Variants in SMG5 observed in about 807,000 individuals in gnomAD.
SMG5 encodes SMG5 nonsense mediated mRNA decay factor.
In SMG5, 53 loss-of-function variants were observed where a neutral mutation model predicts 122.9. That is an observed-to-expected ratio of 0.43 (90% CI 0.35 to 0.54). The LOEUF is 0.54. Among genes scored for constraint, SMG5 ranks in the 20% least tolerant of loss-of-function variants. The pLI is 0.01. For synonymous variants in SMG5, 477 were observed against 490.2 expected (o/e 0.97, Z 0.35); for missense variants, 1,153 against 1,285.6 (o/e 0.90, Z 1.58).
At chr1:156,282,091 T>G (rs1306104647) in intron 1 of SMG5, among the ~76,000 whole-genome samples, 1 of 152,168 alleles carries the variant, frequency 6.6e-6, no homozygotes. Context: ...TAGAGCCGTA[T>G]GGGACTTTAG....
Position 156,277,145 on chromosome 1 carries a change from G to A in SMG5, c.394C>T (p.His132Tyr), listed in dbSNP as rs780989985. Residue 132 changes from histidine to tyrosine, a missense_variant, in exon 4 of 22, where the codon CAC becomes TAC. By Grantham distance (83) the His-to-Tyr change is moderately conservative. Coordinates refer to ENST00000361813, the MANE Select transcript of SMG5 (RefSeq NM_015327.3). ...CAGCACTGCAGTTCCAGCTGGTAGT[G>A]GGACTGGATATAGAGAAGGAGATGC... ...YQHLLLYIQS[H>Y]YQLELQCCID... 1.2e-6 allele frequency: 2 copies of A among 1,613,906 alleles called. No homozygotes were observed. Among genetic ancestry groups the A allele is most frequent in the Non-Finnish European group, 1.7e-6 (2 of 1,179,972 alleles).
chr1:156,285,418 TG>T, upstream of SMG5: 3 of 1,608,526 alleles, frequency 1.9e-6, no homozygotes, highest in Non-Finnish European at 2.5e-6. Context: ...GGGCTGAGGA[TG>T]GTCTAGACAG....
intron 13 of SMG5, among the ~76,000 whole-genome samples, chr1:156,261,918 C>T (rs2103220450): frequency 6.9e-6 from 1 of 144,570 alleles, no homozygotes; most frequent in South Asian, 2.2e-4. Context: ...AAAAAATAGC[C>T]AGGCGTGGTG....
At position 156,260,612 on chromosome 1, in the gene SMG5, G is replaced by T; in HGVS notation, c.2122C>A (p.Pro708Thr). The T allele has an allele frequency of 6.6e-7, 1 of 1,511,978 alleles. No homozygotes were observed. Among genetic ancestry groups the T allele is most frequent in the South Asian group, 1.3e-5 (1 of 74,114 alleles). 93.7% of individuals were successfully genotyped at this position (1,511,978 alleles called of 1,614,324 possible). A position where few individuals can be genotyped will look rare whatever the true frequency, so the allele number is the denominator to read the frequency against. The change falls in exon 15 of 22, where the codon CCT (proline) becomes ACT (threonine). Residue 708 changes from proline (P) to threonine (T), a missense_variant. Transcript: ENST00000361813. ...CCTTCAAGAAGATCTTGGACCTCAG[G>T]ACACAAGGCCAGGCCTGGGCAGAAG... The part of the protein sequence containing the change: ...ELQESGLALC[P>T]EVQDLLEGCE...
rs568640456 is a variant in SMG5 at position 156,277,429 on chromosome 1, C to A, written c.298-188G>T. Among the ~76,000 whole-genome samples, 6 of 152,068 alleles carry A rather than the reference C, an allele frequency of 3.9e-5. No homozygotes were observed. The East Asian group carries it at 1.2e-3, about 29-fold the overall frequency. On this transcript the variant is annotated intron_variant, in intron 3 of 21. Coordinates refer to ENST00000361813, the MANE Select transcript of SMG5 (RefSeq NM_015327.3). ...TCTGGGACCAGGCTCCCCTCCTTCT[C>A]TAATCCTAATTACATCTGACTCTCT...
chr1:156,286,188 C>T, upstream of SMG5: 3 of 1,496,112 alleles, frequency 2.0e-6, 1 homozygote, highest in South Asian at 2.4e-5. Context: ...AGTGAATCTG[C>T]CCCCAGCTTA....
chr1:156,275,454 T>C (rs9943105), intron 4 of SMG5, among the ~76,000 whole-genome samples: 69,206 of 151,744 alleles, frequency 0.46, 16,573 homozygotes, highest in Admixed American at 0.59. Flanking sequence ...TTAACTTAAT[T>C]CTCACAGCAA....
chr1:156,272,387 T>C lies in SMG5; in HGVS notation c.646A>G (p.Asn216Asp). ...CTGCCTGCCAGGGTGCCCAGCTGAT[T>C]GAAGGGCATTCCTAGGGAGAAAGAG... ...SVAPQIGMPF[N>D]QLGTLAGSKY... is the part of the protein sequence containing the mutation. Residue 216 changes from asparagine to aspartate, a missense_variant, in exon 7 of 22, where the codon AAT (asparagine) becomes GAT (aspartate). Coordinates refer to ENST00000361813, the MANE Select transcript of SMG5 (RefSeq NM_015327.3). 1 of 1,602,016 alleles carries C rather than the reference T, an allele frequency of 6.2e-7. No individual in the cohort carries two copies. Among genetic ancestry groups the C allele is most frequent in the Non-Finnish European group, 8.5e-7 (1 of 1,172,874 alleles).
chr1:156,276,018 G>T (rs927220961), intron 4 of SMG5, among the ~76,000 whole-genome samples: 2 of 151,422 alleles, frequency 1.3e-5, no homozygotes, highest in Non-Finnish European at 2.9e-5. Context: ...ATCTCACTAT[G>T]TTGCCCAGGC....
chr1:156,278,009 T>C lies in SMG5; in HGVS notation c.213A>G (p.Pro71=), dbSNP rs551597977. 1 of 1,614,116 alleles carries C rather than the reference T, an allele frequency of 6.2e-7. No individual in the cohort carries two copies. The highest frequency in any genetic ancestry group is 1.1e-5 in the South Asian group (1 of 91,076). The change falls in exon 3 of 22, where the codon CCA becomes CCG. Residue 71 remains proline (P), a synonymous_variant. Transcript: ENST00000361813. ...ELCVKLMFLH[P]VDYGRKAEEL... ...CCTCAGCCTTTCTCCCATAGTCCAC[T>C]GGGTGCAGGAACATAAGCTTGACGC...
At chr1:156,263,926 T>TA (rs1296323252) in intron 12 of SMG5, among the ~76,000 whole-genome samples, 1 of 152,130 alleles carries the variant, frequency 6.6e-6, no homozygotes, top group Non-Finnish European at 1.5e-5. Flanking sequence ...GGCAGACAGT[T>TA]AGAGGGGAGC....
the SMG5 span, among the ~76,000 whole-genome samples, chr1:156,289,469 G>A: frequency 5.3e-5 from 8 of 152,136 alleles, no homozygotes; most frequent in Non-Finnish European, 7.4e-5. Flanking sequence ...AAAATTAGCC[G>A]GGCATGGTGG....
upstream of SMG5, among the ~76,000 whole-genome samples, chr1:156,285,023 CCTCT>C (rs932593416): frequency 6.6e-6 from 1 of 152,144 alleles, no homozygotes; most frequent in Non-Finnish European, 1.5e-5. Flanking sequence ...TTCCCTCCTC[CCTCT>C]GTTTCAGTGT....
In SMG5 at chr1:156,265,955, C is replaced by T; in HGVS notation, c.1681G>A (p.Ala561Thr). Reference protein sequence around the residue: ...SLNGPLGPSEASIASNLQAMS... With the variant: ...SLNGPLGPSETSIASNLQAMS... ...GCTTGTAGATTGCTGGCAATGCTAG[C>T]CTCACTGGGGCCCAGTGGGCCATTG... Residue 561 changes from alanine (A) to threonine (T), a missense_variant, in exon 12 of 22, where the codon GCT (alanine) becomes ACT (threonine). By Grantham distance (58) the Ala-to-Thr change is moderately conservative. This residue lies in a region of SMG5 where 631 missense variants were observed against 650.6 expected (regional missense o/e 0.97). Coordinates refer to ENST00000361813, the MANE Select transcript of SMG5 (RefSeq NM_015327.3). 6.2e-7 allele frequency: 1 copy of T among 1,614,182 alleles called. No individual in the cohort carries two copies.
chr1:156,255,407 C>T (rs552543176), intron 16 of SMG5, among the ~76,000 whole-genome samples: 13 of 152,050 alleles, frequency 8.5e-5, no homozygotes, highest in African/African-American at 2.2e-4. Context: ...GTCGTGGTGG[C>T]GAGCACCTGT....
chr1:156,271,217 A>G (rs1425694679), intron 7 of SMG5, among the ~76,000 whole-genome samples: 1 of 152,210 alleles, frequency 6.6e-6, no homozygotes, highest in African/African-American at 2.4e-5. Context: ...TGGAATTATG[A>G]CGTACAATTA....
chr1:156,253,646 G>A, intron 16 of SMG5, 138 bp from the exon 17 acceptor site: 1 of 764,892 alleles, frequency 1.3e-6, no homozygotes, highest in South Asian at 1.4e-5. Flanking sequence ...CTGAATGAGG[G>A]GAGGAGAGGC....
chr1:156,280,641 T>C (rs1662894046), intron 1 of SMG5, among the ~76,000 whole-genome samples: 1 of 152,198 alleles, frequency 6.6e-6, no homozygotes, highest in South Asian at 2.1e-4. Context: ...GGAGTGTATA[T>C]TTTTATAGAC....
Position 156,278,040 on chromosome 1 carries a change from T to G in SMG5, c.182A>C (p.Glu61Ala), listed in dbSNP as rs1662762236. 3 of 1,613,824 alleles carry G rather than the reference T, an allele frequency of 1.9e-6. No homozygotes were observed. The highest frequency in any genetic ancestry group is 1.7e-6 in the Non-Finnish European group (2 of 1,179,926). The part of the protein sequence containing the change: ...ENISLRNKLR[E>A]LCVKLMFLHP... ...CAGGAACATAAGCTTGACGCAGAGC[T>G]CACGCAGCCTGGAGGGTGTAGAGGA... The change falls in exon 3 of 22, where the codon GAG becomes GCG. Residue 61 changes from glutamate (E) to alanine (A), a missense_variant. Coordinates refer to ENST00000361813, the MANE Select transcript of SMG5 (RefSeq NM_015327.3).
Sources: gnomAD v4.1 joint callset for allele counts (sites outside exome capture counted in the v4.1 genomes callset) on GRCh38, gnomAD v4.1.1 for gene constraint, gnomAD v4.1.1 regional missense constraint, MANE v1.5 for transcripts, NCBI Gene and HGNC (gene_info 2026-07-23, HGNC 2026-07-21) for gene names.